The following CCDC150 variants were observed in gnomAD, a reference collection of about 807,000 sequenced individuals.
CCDC150 encodes the protein coiled-coil domain containing 150.
Under a neutral mutation model 156.5 loss-of-function variants are expected in CCDC150, and 151 were observed. That is an observed-to-expected ratio of 0.97 (90% CI 0.85 to 1.10). The LOEUF (loss-of-function observed/expected upper bound fraction) is 1.10, where lower values mean the gene tolerates loss of function less well. CCDC150 is among the 50% of genes least tolerant of loss of function. The pLI, the probability that CCDC150 is intolerant of heterozygous loss-of-function variation, is 0.00. For synonymous variants in CCDC150, 452 were observed against 429.4 expected (o/e 1.05, Z -0.65); for missense variants, 1,312 against 1,268.1 (o/e 1.03, Z -0.53).
rs542420628 is a variant in CCDC150 at position 196,668,863 on chromosome 2, T to C, written c.893-970T>C. Among the ~76,000 whole-genome samples the C allele has an allele frequency of 3.3e-5, 5 of 152,268 alleles. No homozygotes were observed. In the East Asian group the frequency reaches 9.6e-4, roughly 29 times the overall value. On this transcript the variant is annotated intron_variant, in intron 7 of 27. Coordinates refer to ENST00000389175, the MANE Select transcript of CCDC150 (RefSeq NM_001080539.2). ...ACCCTTCATGTATTTTAAATTCGAG[T>C]TTATTCTGATGAATTGTGGATTCAT...
intron 14 of CCDC150, among the ~76,000 whole-genome samples, chr2:196,700,814 A>T (rs1233139777): frequency 6.6e-6 from 1 of 152,202 alleles, no homozygotes; most frequent in Non-Finnish European, 1.5e-5. Context: ...CACCACATCC[A>T]TGCTGGATCA....
chr2:196,718,692 A>T, intron 18 of CCDC150, 61 bp downstream of exon 18: 3 of 1,567,008 alleles, frequency 1.9e-6, no homozygotes, highest in Non-Finnish European at 2.6e-6. Flanking sequence ...GAAATCTTTC[A>T]TGAGCCATAT....
chr2:196,673,725 C>CT (rs1417273626), intron 9 of CCDC150, among the ~76,000 whole-genome samples: 1 of 152,072 alleles, frequency 6.6e-6, no homozygotes, highest in Non-Finnish European at 1.5e-5. Context: ...TATTAACTAC[C>CT]TACATATATG....
chr2:196,646,182 T>C (rs781044967), intron 1 of CCDC150, among the ~76,000 whole-genome samples, 159 bp from the exon 2 acceptor site: 7 of 152,182 alleles, frequency 4.6e-5, no homozygotes, highest in Non-Finnish European at 1.0e-4. Flanking sequence ...ACAAGCTGGC[T>C]CTTATAACTT....
At position 196,695,110 on chromosome 2, in the gene CCDC150, A is replaced by G. The variant is rs757827925; in HGVS notation, c.1574A>G (p.Asp525Gly). The change falls in exon 14 of 28, where the codon GAT becomes GGT. Residue 525 changes from aspartate to glycine, a missense_variant. Asp to Gly is a moderately conservative substitution (Grantham distance 94). Coordinates refer to ENST00000389175, the MANE Select transcript of CCDC150 (RefSeq NM_001080539.2). Reference protein sequence around the residue: ...TLEEENKHLADQMASLELQQV... With the variant: ...TLEEENKHLAGQMASLELQQV... Reference sequence around the variant, plus strand: ...GAAGAAGAGAATAAGCACCTGGCAGATCAAATGGCTTCCCTAGAACTTCAG... The same window carrying G: ...GAAGAAGAGAATAAGCACCTGGCAGGTCAAATGGCTTCCCTAGAACTTCAG... The G allele has an allele frequency of 6.2e-7, 1 of 1,613,130 alleles. No homozygotes were observed. Among genetic ancestry groups the G allele is most frequent in the Non-Finnish European group, 8.5e-7 (1 of 1,179,198 alleles).
chr2:196,656,168 CT>C (rs1693175033), intron 2 of CCDC150, among the ~76,000 whole-genome samples: 1 of 152,188 alleles, frequency 6.6e-6, no homozygotes. Flanking sequence ...CTAATCCCTT[CT>C]GCTTCTAGAG....
intron 1 of CCDC150, among the ~76,000 whole-genome samples, chr2:196,643,130 C>T (rs1467932971): frequency 3.3e-5 from 5 of 152,186 alleles, no homozygotes; most frequent in Non-Finnish European, 5.9e-5. Flanking sequence ...GAACAGGATT[C>T]TCAGCGATTG....
At chr2:196,650,820 A>C (rs1692833011) in intron 2 of CCDC150, among the ~76,000 whole-genome samples, 1 of 152,144 alleles carries the variant, frequency 6.6e-6, no homozygotes. Flanking sequence ...AATTTGATGT[A>C]TTCCCTCCTC....
At position 196,646,247 on chromosome 2, in the gene CCDC150, G is replaced by C. The variant is rs1374002816; in HGVS notation, c.13-94G>C. On this transcript the variant is annotated intron_variant, in intron 1 of 27. Coordinates refer to ENST00000389175, the MANE Select transcript of CCDC150 (RefSeq NM_001080539.2). ...CACATCACCATTCCTGAGTTCAACA[G>C]GACAGTGATGCCTAATCCTGGCACA... 2.6e-6 allele frequency: 3 copies of C among 1,175,110 alleles called. No homozygotes were observed. The Admixed American group carries it at 5.3e-5, about 21-fold the overall frequency. 72.8% of individuals were successfully genotyped at this position (1,175,110 alleles called of 1,614,324 possible). A position where few individuals can be genotyped will look rare whatever the true frequency, so the allele number is the denominator to read the frequency against.
In CCDC150 at chr2:196,658,724, A is replaced by T. The variant is rs1356887671; in HGVS notation, c.577-68A>T. The T allele has an allele frequency of 3.4e-6, 4 of 1,162,708 alleles. No homozygotes were observed. In the South Asian group the frequency reaches 5.5e-5, roughly 16 times the overall value. The allele number at this position is 1,162,708 out of a possible 1,614,324, so 72.0% of individuals were successfully genotyped here. A position where few individuals can be genotyped will look rare whatever the true frequency, so the allele number is the denominator to read the frequency against. On this transcript the variant is annotated intron_variant, in intron 4 of 27. Coordinates refer to ENST00000389175, the MANE Select transcript of CCDC150 (RefSeq NM_001080539.2). ...CCAGAAAAAAACCTGATTTGATCTGATATACCTATAGACAATTTCTTCCTG... is the reference window on the plus strand; with the variant it reads ...CCAGAAAAAAACCTGATTTGATCTGTTATACCTATAGACAATTTCTTCCTG...
At chr2:196,656,450 T>A (rs139562267) in intron 2 of CCDC150, among the ~76,000 whole-genome samples, 183 bp from the exon 3 acceptor site, 1 of 152,294 alleles carries the variant, frequency 6.6e-6, no homozygotes, top group Non-Finnish European at 1.5e-5. Flanking sequence ...TGTCAATTAA[T>A]CAATTCTCAG....
chr2:196,710,437 C>T (rs1443058770), intron 15 of CCDC150, among the ~76,000 whole-genome samples: 1 of 152,226 alleles, frequency 6.6e-6, no homozygotes, highest in African/African-American at 2.4e-5. Flanking sequence ...AGGGAAATCC[C>T]CTGACCCCCC....
chr2:196,656,593 T>G (rs1334558016), intron 2 of CCDC150, 40 bp from the exon 3 acceptor site: 1 of 1,373,472 alleles, frequency 7.3e-7, no homozygotes, highest in South Asian at 1.3e-5. Context: ...ATAGTAGAAA[T>G]TGCATTGCAT....
chr2:196,658,785 CTT>C lies in CCDC150; in HGVS notation c.577-4_577-3del, dbSNP rs1407811243. The stretch of plus-strand genomic sequence containing the variant: ...TTATTTAGAATCTTTTCTCCTTCTA[CTT>C]TTAGAAGAATGCAGCCATTATTGAA... On this transcript the variant is annotated splice_polypyrimidine_tract_variant and splice_region_variant and intron_variant, in intron 4 of 27. Coordinates refer to ENST00000389175, the MANE Select transcript of CCDC150 (RefSeq NM_001080539.2). 1 of 1,589,128 alleles carries C rather than the reference CTT, an allele frequency of 6.3e-7. No homozygotes were observed. The highest frequency in any genetic ancestry group is 1.3e-5 in the African/African-American group (1 of 74,522).
intron 15 of CCDC150, among the ~76,000 whole-genome samples, chr2:196,708,634 G>T (rs1696861240): frequency 6.6e-6 from 1 of 152,196 alleles, no homozygotes; most frequent in Non-Finnish European, 1.5e-5. Context: ...TGTTTTTGCA[G>T]TGGCTGGTAC....
At chr2:196,715,320 A>G (rs1176535537) in intron 17 of CCDC150, among the ~76,000 whole-genome samples, 1 of 152,156 alleles carries the variant, frequency 6.6e-6, no homozygotes, top group Admixed American at 6.6e-5. Context: ...CAAGATATAT[A>G]TATATTATTA....
chr2:196,650,526 T>A (rs996443936), intron 2 of CCDC150, among the ~76,000 whole-genome samples: 2 of 152,210 alleles, frequency 1.3e-5, no homozygotes, highest in Non-Finnish European at 2.9e-5. Flanking sequence ...CCTGAGGATC[T>A]GGGATTACAG....
chr2:196,685,323 T>C (rs985911202), intron 13 of CCDC150, among the ~76,000 whole-genome samples: 9 of 152,220 alleles, frequency 5.9e-5, no homozygotes, highest in African/African-American at 1.9e-4. Context: ...AGATATTGTC[T>C]AGTGCCCTTT....
intron 13 of CCDC150, among the ~76,000 whole-genome samples, chr2:196,679,856 A>G (rs1211041572): frequency 3.9e-5 from 6 of 152,166 alleles, no homozygotes; most frequent in Admixed American, 6.5e-5. Context: ...CATTTCTCCA[A>G]TGACTAATAA....
Sources: allele counts gnomAD v4.1 joint callset (sites outside exome capture counted in the v4.1 genomes callset), GRCh38; gene constraint gnomAD v4.1.1; transcripts MANE v1.5; gene names NCBI Gene and HGNC (gene_info 2026-07-23, HGNC 2026-07-21).